CACNA2D3: variants seen among roughly 807,000 people sequenced by gnomAD.
The protein encoded by CACNA2D3 is voltage-dependent calcium channel subunit alpha-2/delta-3.
Under a neutral mutation model 160.6 loss-of-function variants are expected in CACNA2D3, and 60 were observed. That is an observed-to-expected ratio of 0.37 (90% CI 0.30 to 0.46). CACNA2D3 has a LOEUF of 0.46. CACNA2D3 is among the 20% of genes least tolerant of loss of function. The pLI is 1.00. For missense variants in CACNA2D3, 1,205 were observed against 1,365.0 expected, an observed-to-expected ratio of 0.88 and a Z score of 1.85; for synonymous variants, 558 against 492.9, an observed-to-expected ratio of 1.13 and a Z score of -1.75.
At chr3:54,310,914 G>C (rs6793026) in intron 2 of CACNA2D3, among the ~76,000 whole-genome samples, 68,431 of 151,972 alleles carry the variant, frequency 0.45, 15,669 homozygotes, top group Middle Eastern at 0.57. Context: ...AACTTGTTAC[G>C]TGGCTAGTAC....
rs866698296 is a variant in CACNA2D3 at position 54,763,844 on chromosome 3, T to C, written c.1247-374T>C. Reference sequence around the variant, plus strand: ...ATATACGTATATATATGTATATATATGTACATATATATACATATATATATA... The same window carrying C: ...ATATACGTATATATATGTATATATACGTACATATATATACATATATATATA... On this transcript the variant is annotated intron_variant, in intron 12 of 37. Coordinates refer to ENST00000474759, the MANE Select transcript of CACNA2D3 (RefSeq NM_018398.3). 4.4e-4 allele frequency among the ~76,000 whole-genome samples: 24 copies of C among 54,886 alleles called. 3 individuals carry two copies. Among genetic ancestry groups the C allele is most frequent in the South Asian group, 1.5e-3 (2 of 1,304 alleles). 36.0% of individuals were successfully genotyped at this position (54,886 alleles called of 152,430 possible).
intron 2 of CACNA2D3, among the ~76,000 whole-genome samples, chr3:54,138,315 A>G (rs957014957): frequency 6.6e-6 from 1 of 152,168 alleles, no homozygotes; most frequent in Non-Finnish European, 1.5e-5. Flanking sequence ...AAATTTGGAG[A>G]TGGCATGCTG....
chr3:54,445,964 G>C (rs1051735330), intron 4 of CACNA2D3, among the ~76,000 whole-genome samples: 8 of 152,166 alleles, frequency 5.3e-5, no homozygotes, highest in Admixed American at 4.6e-4. Context: ...TAGCATATAG[G>C]TGACTGTTGG....
intron 27 of CACNA2D3, among the ~76,000 whole-genome samples, chr3:54,908,502 A>G (rs1575363411): frequency 6.6e-6 from 1 of 152,092 alleles, no homozygotes; most frequent in Non-Finnish European, 1.5e-5. Context: ...GATTGCTTGA[A>G]CCTAGGAGTT....
At chr3:54,885,197 C>T (rs1699893501) in intron 21 of CACNA2D3, 84 bp from the exon 22 acceptor site, 1 of 1,451,638 alleles carries the variant, frequency 6.9e-7, no homozygotes, top group South Asian at 1.2e-5. Context: ...ACCCACCCCG[C>T]AGCCCTACCC....
chr3:54,968,338 A>G, intron 27 of CACNA2D3, 112 bp from the exon 28 acceptor site: 1 of 713,594 alleles, frequency 1.4e-6, no homozygotes. Context: ...TGTACATTTT[A>G]TTTTATATGC....
intron 2 of CACNA2D3, among the ~76,000 whole-genome samples, chr3:54,262,832 G>A (rs1702429984): frequency 6.6e-6 from 1 of 152,158 alleles, no homozygotes; most frequent in African/African-American, 2.4e-5. Context: ...GAGTGGAGAC[G>A]ATGTTTCTTT....
intron 4 of CACNA2D3, among the ~76,000 whole-genome samples, chr3:54,426,352 T>C (rs1218895560): frequency 1.3e-5 from 2 of 152,212 alleles, no homozygotes; most frequent in East Asian, 1.9e-4. Flanking sequence ...CCGTCTTTGT[T>C]ATAAACTGCA....
At chr3:54,194,060 G>A (rs1182389625) in intron 2 of CACNA2D3, among the ~76,000 whole-genome samples, 1 of 152,136 alleles carries the variant, frequency 6.6e-6, no homozygotes, top group Non-Finnish European at 1.5e-5. Context: ...TGGTAGATAC[G>A]AGGGGGCGGG....
intron 5 of CACNA2D3, among the ~76,000 whole-genome samples, chr3:54,519,048 A>G (rs935765484): frequency 2.1e-4 from 32 of 152,294 alleles, no homozygotes; most frequent in African/African-American, 7.7e-4. Context: ...AGTCATGGTG[A>G]CGAACATGCT....
At chr3:54,417,034 T>C (rs545204767) in intron 4 of CACNA2D3, among the ~76,000 whole-genome samples, 3 of 152,294 alleles carry the variant, frequency 2.0e-5, no homozygotes, top group Non-Finnish European at 4.4e-5. Flanking sequence ...TCTTAAAAAA[T>C]ACAGGTAGGA....
At chr3:54,297,949 C>G (rs1703377829) in intron 2 of CACNA2D3, among the ~76,000 whole-genome samples, 1 of 152,138 alleles carries the variant, frequency 6.6e-6, no homozygotes, top group East Asian at 1.9e-4. Context: ...ATGCCAAATC[C>G]CCAACACCAC....
chr3:54,503,357 A>G lies in CACNA2D3; in HGVS notation c.382-135A>G, dbSNP rs1459985797. On this transcript the variant is annotated intron_variant, in intron 4 of 37. Transcript: ENST00000474759. ...GCAAAAGCAGCCATGGACAGTACAT[A>G]AGACATAAAAAGATTATGTGAGCAG... The G allele has an allele frequency of 5.6e-6, 4 of 712,370 alleles. No individual in the cohort carries two copies. In the East Asian group the frequency reaches 7.6e-5, roughly 13 times the overall value. The allele number at this position is 712,370 out of a possible 1,614,324, so 44.1% of individuals were successfully genotyped here. A position where few individuals can be genotyped will look rare whatever the true frequency, so the allele number is the denominator to read the frequency against.
At chr3:54,873,466 C>T (rs1461670330) in intron 18 of CACNA2D3, among the ~76,000 whole-genome samples, 1 of 152,070 alleles carries the variant, frequency 6.6e-6, no homozygotes, top group Non-Finnish European at 1.5e-5. Flanking sequence ...AGATGTATGA[C>T]TCAGCTCACT....
intron 3 of CACNA2D3, among the ~76,000 whole-genome samples, chr3:54,370,491 T>G (rs530742017): frequency 6.6e-6 from 1 of 152,266 alleles, no homozygotes; most frequent in South Asian, 2.1e-4. Context: ...TAAAGGAGAT[T>G]TCAGTCTCTC....
intron 2 of CACNA2D3, among the ~76,000 whole-genome samples, chr3:54,254,614 G>C (rs75265095): frequency 0.013 from 1,994 of 152,226 alleles, 18 homozygotes; most frequent in Non-Finnish European, 0.02. Flanking sequence ...TAATGCATAG[G>C]GTTCTTCAGA....
chr3:54,199,862 A>G (rs1487630166), intron 2 of CACNA2D3, among the ~76,000 whole-genome samples: 2 of 152,240 alleles, frequency 1.3e-5, no homozygotes, highest in Non-Finnish European at 2.9e-5. Context: ...TATTTGATAA[A>G]TACAATATTT....
chr3:54,307,760 G>T (rs1703646488), intron 2 of CACNA2D3, among the ~76,000 whole-genome samples: 1 of 152,212 alleles, frequency 6.6e-6, no homozygotes, highest in Non-Finnish European at 1.5e-5. Context: ...TAGGGATCTT[G>T]CAGACTCATT....
chr3:54,654,776 G>A (rs150408863), intron 11 of CACNA2D3, among the ~76,000 whole-genome samples: 3 of 152,250 alleles, frequency 2.0e-5, no homozygotes, highest in South Asian at 2.1e-4. Context: ...GAATGCTGGC[G>A]AGCTACCACC....
Sources: allele counts gnomAD v4.1 joint callset (sites outside exome capture counted in the v4.1 genomes callset), GRCh38; gene constraint gnomAD v4.1.1; transcripts MANE v1.5; gene names NCBI Gene and HGNC (gene_info 2026-07-23, HGNC 2026-07-21).